The following CEP164 variants were observed in gnomAD, a reference collection of about 807,000 sequenced individuals.
CEP164 encodes centrosomal protein 164, also known as centrosomal protein of 164 kDa.
A neutral mutation model predicts 182.7 loss-of-function variants in CEP164; 162 were observed. The observed-to-expected ratio is 0.89, with a 90% CI of 0.78 to 1.01. CEP164 has a LOEUF of 1.01. Ranked by LOEUF, CEP164 falls within the 50% of genes least tolerant of loss-of-function variation. CEP164 has a pLI of 0.00. For missense variants in CEP164, 1,735 were observed against 1,790.4 expected, an observed-to-expected ratio of 0.97 and a Z score of 0.56; for synonymous variants, 661 against 690.0, an observed-to-expected ratio of 0.96 and a Z score of 0.66.
At position 117,349,430 on chromosome 11, in the gene CEP164, G is replaced by T. The variant is rs185665777; in HGVS notation, c.195-2360G>T. On this transcript the variant is annotated intron_variant, in intron 4 of 32. Transcript: ENST00000278935. ...TGAATCCCTGCTTTCAATTCATTTG[G>T]GTATATGCCCAGAAATGGAATTGCT... Among the ~76,000 whole-genome samples, 921 of 152,092 alleles carry T rather than the reference G, an allele frequency of 6.1e-3. 10 individuals carry two copies. Among genetic ancestry groups the T allele is most frequent in the South Asian group, 0.029 (139 of 4,790 alleles).
At chr11:117,370,383 T>C (rs2042084656) in intron 8 of CEP164, among the ~76,000 whole-genome samples, 1 of 152,236 alleles carries the variant, frequency 6.6e-6, no homozygotes, top group Admixed American at 6.5e-5. Context: ...TGATGTTCCA[T>C]CATCATCTTG....
chr11:117,389,460 C>T (rs2044339360), intron 15 of CEP164, among the ~76,000 whole-genome samples: 1 of 152,110 alleles, frequency 6.6e-6, no homozygotes, highest in Admixed American at 6.5e-5. Flanking sequence ...TGTGTGGTAC[C>T]TGGGATATAA....
Position 117,351,792 on chromosome 11 carries a change from A to G in CEP164, c.197A>G (p.Gln66Arg). ...TTCTGAACTCTGCCCATCCCCAGCC[A>G]GGACATCACAGGTGACATTTACTAT... The part of the protein sequence containing the change: ...APLPGEWKPC[Q>R]DITGDIYYFN... Residue 66 changes from glutamine (Q) to arginine (R), a missense_variant and splice_region_variant, in exon 5 of 33, where the codon CAG becomes CGG. Transcript: ENST00000278935. The G allele has an allele frequency of 1.2e-6, 2 of 1,612,956 alleles. No homozygotes were observed. The highest frequency in any genetic ancestry group is 2.2e-5 in the South Asian group (2 of 90,990).
chr11:117,373,702 C>T (rs752231310), intron 9 of CEP164, 49 bp from the exon 10 acceptor site: 2 of 1,528,406 alleles, frequency 1.3e-6, no homozygotes, highest in Admixed American at 1.7e-5. Context: ...GGGACCATGA[C>T]TCTTTGTGCT....
rs569016772 is a variant in CEP164 at position 117,383,405 on chromosome 11, C to T, written c.1724+463C>T. On this transcript the variant is annotated intron_variant, in intron 14 of 32. Transcript: ENST00000278935. ...TCTCCATCCCTCGAGGAAGTTTCCT[C>T]GTGCCCCTCTCAAACCACTCACCCC... Among the ~76,000 whole-genome samples, 14 of 152,316 alleles carry T rather than the reference C, an allele frequency of 9.2e-5. No homozygotes were observed. The East Asian group carries it at 2.7e-3, about 29-fold the overall frequency.
chr11:117,321,808 C>A (rs1342422203), intron 1 of CEP164, among the ~76,000 whole-genome samples: 1 of 152,070 alleles, frequency 6.6e-6, no homozygotes, highest in Middle Eastern at 3.2e-3. Context: ...AGTGACCCTT[C>A]CACATCAGCC....
intron 2 of CEP164, chr11:117,336,737 T>C: frequency 1.5e-6 from 1 of 657,228 alleles, no homozygotes; most frequent in East Asian, 2.7e-5. Flanking sequence ...GAGGGCCGTT[T>C]CATCCTTGCT....
chr11:117,336,310 T>C, intron 2 of CEP164: 1 of 1,513,368 alleles, frequency 6.6e-7, no homozygotes, highest in Non-Finnish European at 9.2e-7. Flanking sequence ...ATTCTGCATC[T>C]TCTTGTCCGC....
rs548280555 is a variant in CEP164, at chr11:117,344,363, C to T, written c.194+86C>T. ...CTGGAGATCGGTTTGAACTGGCCAG[C>T]TTTTCCAAGCCTATCCTGTACAGTC... is the stretch of plus-strand genomic sequence containing the variant. On this transcript the variant is annotated intron_variant, in intron 4 of 32. Coordinates refer to ENST00000278935, the MANE Select transcript of CEP164 (RefSeq NM_014956.5). The T allele has an allele frequency of 6.1e-5, 52 of 855,172 alleles. No individual in the cohort carries two copies. The East Asian group carries it at 1.3e-3, about 22-fold the overall frequency. 53.0% of individuals were successfully genotyped at this position (855,172 alleles called of 1,614,324 possible). A position where few individuals can be genotyped will look rare whatever the true frequency, so the allele number is the denominator to read the frequency against.
chr11:117,371,097 C>T lies in CEP164; in HGVS notation c.783C>T (p.Ser261=). Residue 261 remains serine (S), a synonymous_variant, in exon 9 of 33, where the codon AGC becomes AGT. Transcript: ENST00000278935. The part of the protein sequence containing the change: ...DFEYEESLRT[S]QPEEKKDVSL... ...CTCCCTAGGAGTCTCTGAGAACAAGCCAGCCAGAGGAGAAGAAGGATGTTT... is the reference window on the plus strand; with the variant it reads ...CTCCCTAGGAGTCTCTGAGAACAAGTCAGCCAGAGGAGAAGAAGGATGTTT... The T allele has an allele frequency of 6.3e-7, 1 of 1,597,910 alleles. No individual in the cohort carries two copies. Among genetic ancestry groups the T allele is most frequent in the Non-Finnish European group, 8.5e-7 (1 of 1,170,630 alleles).
chr11:117,341,016 A>G (rs918789801), intron 3 of CEP164, among the ~76,000 whole-genome samples: 2 of 152,122 alleles, frequency 1.3e-5, no homozygotes, highest in African/African-American at 2.4e-5. Context: ...TAGCAGAGAC[A>G]GGGTTTCACC....
intron 4 of CEP164, among the ~76,000 whole-genome samples, chr11:117,345,200 G>A (rs2038711518): frequency 6.6e-6 from 1 of 152,142 alleles, no homozygotes; most frequent in African/African-American, 2.4e-5. Flanking sequence ...TCACTCAGTG[G>A]TTGTCTCAGG....
intron 1 of CEP164, among the ~76,000 whole-genome samples, chr11:117,334,954 T>C (rs2036831353): frequency 6.6e-6 from 1 of 152,144 alleles, no homozygotes; most frequent in African/African-American, 2.4e-5. Context: ...GTAGTTAAGA[T>C]AGTACCTCGT....
At chr11:117,398,042 AAAAC>A (rs1217478357) in intron 27 of CEP164, among the ~76,000 whole-genome samples, 1 of 152,236 alleles carries the variant, frequency 6.6e-6, no homozygotes, top group East Asian at 1.9e-4. Flanking sequence ...TGTAAAATAA[AAAAC>A]AAGCTACTGA....
intron 27 of CEP164, among the ~76,000 whole-genome samples, chr11:117,403,800 G>A (rs150749235): frequency 1.6e-3 from 240 of 152,182 alleles, no homozygotes; most frequent in Non-Finnish European, 3.1e-3. Flanking sequence ...CCAATCAAAC[G>A]TAGATTTGGT....
In CEP164 at chr11:117,393,035, A is replaced by G; in HGVS notation, c.2525A>G (p.Glu842Gly). 6.2e-7 allele frequency: 1 copy of G among 1,613,660 alleles called. No individual in the cohort carries two copies. Among genetic ancestry groups the G allele is most frequent in the Middle Eastern group, 1.7e-4 (1 of 6,056 alleles). Residue 842 changes from glutamate (E) to glycine (G), a missense_variant, in exon 20 of 33, where the codon GAA (glutamate) becomes GGA (glycine). Coordinates refer to ENST00000278935, the MANE Select transcript of CEP164 (RefSeq NM_014956.5). ...LSSLLREKRQEVEGEHERRLD... is the reference protein window; with the variant it reads ...LSSLLREKRQGVEGEHERRLD... ...AGTCTCCTGCGAGAGAAGCGCCAGG[A>G]AGTGGAAGGGGAGCATGAGAGGAGG... is the stretch of plus-strand genomic sequence containing the variant.
At chr11:117,389,370 G>A (rs1417324475) in intron 15 of CEP164, among the ~76,000 whole-genome samples, 2 of 152,108 alleles carry the variant, frequency 1.3e-5, no homozygotes, top group Non-Finnish European at 2.9e-5. Flanking sequence ...TAGATATCAC[G>A]GCTTGCTTAT....
chr11:117,355,872 C>A, intron 5 of CEP164: 6 of 1,049,564 alleles, frequency 5.7e-6, no homozygotes, highest in Non-Finnish European at 6.9e-6. Context: ...GCATCAGAAC[C>A]AGCTCAGAAT....
intron 11 of CEP164, among the ~76,000 whole-genome samples, chr11:117,379,748 C>T (rs2043117401): frequency 6.6e-6 from 1 of 151,696 alleles, no homozygotes; most frequent in Non-Finnish European, 1.5e-5. Context: ...CCCAGGCCGA[C>T]TACACTACTG....
Sources: allele counts gnomAD v4.1 joint callset (sites outside exome capture counted in the v4.1 genomes callset), GRCh38; gene constraint gnomAD v4.1.1; transcripts MANE v1.5; gene names NCBI Gene and HGNC (gene_info 2026-07-23, HGNC 2026-07-21).